CALN1: variants seen among roughly 807,000 people sequenced by gnomAD.
The protein encoded by CALN1 is calneuron 1.
A neutral mutation model predicts 30.6 loss-of-function variants in CALN1; 17 were observed. The observed-to-expected ratio is 0.56, with a 90% CI of 0.38 to 0.83. The LOEUF (loss-of-function observed/expected upper bound fraction) is 0.83. Ranked by LOEUF, CALN1 falls within the 40% of genes least tolerant of loss-of-function variation. CALN1 has a pLI of 0.00. For synonymous variants in CALN1, 156 were observed against 131.4 expected, an observed-to-expected ratio of 1.19 and a Z score of -1.28; for missense variants, 291 against 354.9, an observed-to-expected ratio of 0.82 and a Z score of 1.45.
chr7:71,950,202 GGGA>G (rs1796619295), intron 5 of CALN1, among the ~76,000 whole-genome samples: 1 of 152,172 alleles, frequency 6.6e-6, no homozygotes, highest in African/African-American at 2.4e-5. Flanking sequence ...AGCCCCTTAT[GGGA>G]GGAGAATTGC....
At chr7:72,394,662 CTTTTT>C (rs11313018) in intron 2 of CALN1, among the ~76,000 whole-genome samples, 19 of 126,068 alleles carry the variant, frequency 1.5e-4, no homozygotes, top group South Asian at 5.4e-4. Flanking sequence ...GTACCATTGA[CTTTTT>C]TTTTTTTTTT....
intron 5 of CALN1, among the ~76,000 whole-genome samples, chr7:71,944,376 T>C (rs1796291841): frequency 6.6e-6 from 1 of 151,972 alleles, no homozygotes; most frequent in South Asian, 2.1e-4. Flanking sequence ...GGGTGGATCA[T>C]CTGAGGTCAG....
intron 3 of CALN1, among the ~76,000 whole-genome samples, chr7:72,208,306 G>A (rs917684558): frequency 6.6e-6 from 1 of 152,178 alleles, no homozygotes; most frequent in Admixed American, 6.5e-5. Context: ...ACAATCACAA[G>A]TTAACCAAGA....
intron 4 of CALN1, among the ~76,000 whole-genome samples, chr7:72,085,684 G>A (rs1314714652): frequency 6.6e-6 from 1 of 152,150 alleles, no homozygotes; most frequent in Non-Finnish European, 1.5e-5. Flanking sequence ...TTTATACTTT[G>A]TATTGGAATA....
chr7:71,915,945 C>G (rs1273415291), intron 5 of CALN1, among the ~76,000 whole-genome samples: 1 of 152,162 alleles, frequency 6.6e-6, no homozygotes, highest in Non-Finnish European at 1.5e-5. Context: ...TAAAATGTCA[C>G]AACCCAAGCC....
At chr7:72,439,219 A>G (rs1224718583) in intron 1 of CALN1, among the ~76,000 whole-genome samples, 1 of 152,118 alleles carries the variant, frequency 6.6e-6, no homozygotes, top group Non-Finnish European at 1.5e-5. Context: ...ATTTATAGAA[A>G]TGGGGTTTCG....
At chr7:72,103,008 G>A (rs1462269231) in intron 4 of CALN1, among the ~76,000 whole-genome samples, 2 of 151,088 alleles carry the variant, frequency 1.3e-5, no homozygotes, top group Non-Finnish European at 2.9e-5. Context: ...GGGAAGCGGA[G>A]GTTGCAGTGA....
Position 71,971,967 on chromosome 7 carries a change from A to AAGAAAGAC in CALN1, c.501+51689_501+51690insGTCTTTCT, listed in dbSNP as rs1797848164. Among the ~76,000 whole-genome samples the AAGAAAGAC allele has an allele frequency of 2.2e-5, 3 of 136,702 alleles. 1 individual carries two copies. The highest frequency in any genetic ancestry group is 8.4e-5 in the African/African-American group (3 of 35,918). 89.7% of individuals were successfully genotyped at this position (136,702 alleles called of 152,430 possible). On this transcript the variant is annotated intron_variant, in intron 5 of 6. Transcript: ENST00000395275. ...AAAAAAAAAAAAAAAGAAAGAAAGA[A>AAGAAAGAC]AGAAAGAAAGAAAGAAAGAAAGAAA...
intron 6 of CALN1, among the ~76,000 whole-genome samples, chr7:71,806,186 C>A (rs1360916175): frequency 6.6e-6 from 1 of 150,636 alleles, no homozygotes; most frequent in Non-Finnish European, 1.5e-5. Context: ...ACGTCCTGCA[C>A]ATGTACCCCA....
chr7:72,273,445 C>T (rs1421241908), intron 3 of CALN1, among the ~76,000 whole-genome samples: 1 of 128,192 alleles, frequency 7.8e-6, no homozygotes, highest in Non-Finnish European at 1.7e-5. Flanking sequence ...AAGCGGCGGG[C>T]GGGGGCGGTG....
intron 1 of CALN1, among the ~76,000 whole-genome samples, chr7:72,406,923 G>T (rs1335934356): frequency 6.6e-6 from 1 of 152,082 alleles, no homozygotes; most frequent in Non-Finnish European, 1.5e-5. Flanking sequence ...CCCCTTGTCA[G>T]CTTTTCATTC....
intron 3 of CALN1, among the ~76,000 whole-genome samples, chr7:72,121,407 T>C (rs1388842977): frequency 6.8e-6 from 1 of 146,262 alleles, no homozygotes; most frequent in Non-Finnish European, 1.5e-5. Context: ...TTATATAATA[T>C]GTACTATGTA....
At chr7:71,983,721 G>A (rs946254473) in intron 5 of CALN1, among the ~76,000 whole-genome samples, 7 of 151,962 alleles carry the variant, frequency 4.6e-5, no homozygotes, top group African/African-American at 1.4e-4. Flanking sequence ...TAGTAGAAAC[G>A]GGGTTTCGCC....
chr7:72,003,716 G>C (rs554502777), intron 5 of CALN1, among the ~76,000 whole-genome samples: 54 of 152,086 alleles, frequency 3.6e-4, no homozygotes, highest in African/African-American at 1.3e-3. Context: ...ACAAGCTCAG[G>C]GTTCCCACTG....
chr7:72,395,766 TG>T (rs780444765), intron 2 of CALN1, among the ~76,000 whole-genome samples: 1 of 151,962 alleles, frequency 6.6e-6, no homozygotes, highest in Non-Finnish European at 1.5e-5. Flanking sequence ...GGAAAAGATT[TG>T]GTCAATGGAA....
chr7:72,049,142 G>T (rs57431493), intron 4 of CALN1, among the ~76,000 whole-genome samples: 1 of 152,060 alleles, frequency 6.6e-6, no homozygotes, highest in Non-Finnish European at 1.5e-5. Context: ...TGGTGGGTGG[G>T]GGGAGAACAA....
intron 5 of CALN1, among the ~76,000 whole-genome samples, chr7:71,987,302 C>G (rs936792706): frequency 6.6e-6 from 1 of 152,174 alleles, no homozygotes; most frequent in African/African-American, 2.4e-5. Context: ...TCTGTGAACA[C>G]GAGGAACCAC....
chr7:72,395,018 T>C (rs1805825732), intron 2 of CALN1, among the ~76,000 whole-genome samples: 1 of 152,198 alleles, frequency 6.6e-6, no homozygotes, highest in Non-Finnish European at 1.5e-5. Context: ...CACATCTGCG[T>C]ATGTGTGTCA....
chr7:72,081,589 G>A (rs1805149969), intron 4 of CALN1, among the ~76,000 whole-genome samples: 1 of 152,068 alleles, frequency 6.6e-6, no homozygotes, highest in Non-Finnish European at 1.5e-5. Context: ...TGCCGAGCTA[G>A]TTTTTATCTT....
Sources: gnomAD v4.1 joint callset for allele counts (sites outside exome capture counted in the v4.1 genomes callset) on GRCh38, gnomAD v4.1.1 for gene constraint, MANE v1.5 for transcripts, NCBI Gene and HGNC (gene_info 2026-07-23, HGNC 2026-07-21) for gene names.